The following CCDC13 variants were observed in gnomAD, a reference collection of about 807,000 sequenced individuals.
The protein encoded by CCDC13 is coiled-coil domain containing 13, also known as coiled-coil domain-containing protein 13.
Under a neutral mutation model 87.3 loss-of-function variants are expected in CCDC13, and 70 were observed. The observed-to-expected ratio is 0.80, with a 90% CI of 0.66 to 0.98. The LOEUF (loss-of-function observed/expected upper bound fraction) is 0.98. Ranked by LOEUF, CCDC13 falls within the 50% of genes least tolerant of loss-of-function variation. CCDC13 has a pLI of 0.00. For missense variants in CCDC13, 842 were observed against 892.0 expected (o/e 0.94, Z 0.71); for synonymous variants, 317 against 360.3 (o/e 0.88, Z 1.36).
chr3:42,709,342 T>A (rs992896399), intron 15 of CCDC13, among the ~76,000 whole-genome samples: 1 of 152,244 alleles, frequency 6.6e-6, no homozygotes, highest in African/African-American at 2.4e-5. Context: ...GTAAGCTACC[T>A]CAAGGCCCCT....
At chr3:42,735,198 G>C (rs1698967536) in intron 10 of CCDC13, among the ~76,000 whole-genome samples, 1 of 152,242 alleles carries the variant, frequency 6.6e-6, no homozygotes, top group South Asian at 2.1e-4. Context: ...GGAGGGGAGG[G>C]AGTGTGCTTC....
At chr3:42,720,493 GT>G (rs1377437006) in intron 13 of CCDC13, among the ~76,000 whole-genome samples, 5 of 152,134 alleles carry the variant, frequency 3.3e-5, no homozygotes, top group African/African-American at 1.2e-4. Context: ...ACTTACCAAG[GT>G]TTTCACCAAA....
Position 42,756,994 on chromosome 3 carries a change from G to A in CCDC13, c.370+72C>T, listed in dbSNP as rs1449711259. On this transcript the variant is annotated intron_variant, in intron 3 of 15. Coordinates refer to ENST00000310232, the MANE Select transcript of CCDC13 (RefSeq NM_144719.4). ...CACTCTCTTGGGAATCTGCTCTCTG[G>A]AACCTGCTGTCTGCCCTATCTGAAG... 3 of 1,455,020 alleles carry A rather than the reference G, an allele frequency of 2.1e-6. No individual in the cohort carries two copies. In the East Asian group the frequency reaches 6.8e-5, roughly 33 times the overall value. The allele number at this position is 1,455,020 out of a possible 1,614,324, so 90.1% of individuals were successfully genotyped here.
At chr3:42,752,070 G>A in intron 4 of CCDC13, 45 bp from the exon 5 acceptor site, 1 of 1,546,446 alleles carries the variant, frequency 6.5e-7, no homozygotes, top group South Asian at 1.1e-5. Context: ...CAGCGATTGT[G>A]CAGCCCAAGG....
At chr3:42,733,333 C>G in intron 11 of CCDC13, 137 bp downstream of exon 11, 1 of 1,079,584 alleles carries the variant, frequency 9.3e-7, no homozygotes, top group Non-Finnish European at 1.4e-6. Context: ...ATAGGAGAGG[C>G]CCACGTATTG....
chr3:42,716,169 A>G (rs964711122), intron 13 of CCDC13, among the ~76,000 whole-genome samples: 4 of 152,182 alleles, frequency 2.6e-5, no homozygotes, highest in African/African-American at 9.7e-5. Flanking sequence ...TAAGTAAACA[A>G]GATGTACTAA....
chr3:42,717,590 A>G (rs1698463001), intron 13 of CCDC13, among the ~76,000 whole-genome samples: 1 of 152,216 alleles, frequency 6.6e-6, no homozygotes, highest in South Asian at 2.1e-4. Context: ...GTGCCACTGA[A>G]TTGTATACTT....
intron 13 of CCDC13, among the ~76,000 whole-genome samples, chr3:42,726,131 G>C (rs746714749): frequency 1.3e-5 from 2 of 152,136 alleles, no homozygotes; most frequent in Non-Finnish European, 2.9e-5. Context: ...TGCAACCTCC[G>C]CCTCCCAGGT....
In CCDC13 at chr3:42,713,319, G is replaced by A; in HGVS notation, c.1719-3C>T. 6.2e-7 allele frequency: 1 copy of A among 1,613,494 alleles called. No individual in the cohort carries two copies. Among genetic ancestry groups the A allele is most frequent in the Non-Finnish European group, 8.5e-7 (1 of 1,179,696 alleles). ...GCTTGCTGTTGCTCTCCTCCACCCT[G>A]GTGATTAGAGAGGAGGGGATGCTAC... On this transcript the variant is annotated splice_polypyrimidine_tract_variant and splice_region_variant and intron_variant, in intron 13 of 15. Transcript: ENST00000310232.
intron 8 of CCDC13, among the ~76,000 whole-genome samples, chr3:42,741,530 A>T (rs910267988): frequency 6.6e-6 from 1 of 152,148 alleles, no homozygotes; most frequent in African/African-American, 2.4e-5. Flanking sequence ...TGACGTTAGG[A>T]ATTTGAGACC....
chr3:42,731,619 A>T (rs1416704280), intron 12 of CCDC13, among the ~76,000 whole-genome samples: 1 of 152,106 alleles, frequency 6.6e-6, no homozygotes, highest in Admixed American at 6.5e-5. Context: ...TGCAGTTTGG[A>T]AAGCCCCATT....
chr3:42,769,995 C>A (rs1403454340), intron 1 of CCDC13, among the ~76,000 whole-genome samples: 3 of 152,260 alleles, frequency 2.0e-5, no homozygotes, highest in African/African-American at 7.2e-5. Flanking sequence ...CAACGAGCGC[C>A]ACCCCCTGCT....
At chr3:42,737,325 T>G (rs1265160341) in intron 9 of CCDC13, among the ~76,000 whole-genome samples, 5 of 152,242 alleles carry the variant, frequency 3.3e-5, no homozygotes, top group Non-Finnish European at 5.9e-5. Context: ...GATGGACATT[T>G]GGGTTGGTTC....
chr3:42,718,048 G>A (rs1243512975), intron 13 of CCDC13: 1 of 152,210 alleles, frequency 6.6e-6, no homozygotes, highest in Non-Finnish European at 1.5e-5. Context: ...TTTGTCAGAG[G>A]CGTTTGAACA....
chr3:42,754,755 A>T (rs1473177336), intron 3 of CCDC13, among the ~76,000 whole-genome samples: 1 of 152,184 alleles, frequency 6.6e-6, no homozygotes, highest in Admixed American at 6.5e-5. Context: ...GCTATCAGAA[A>T]GAGGTTCAAG....
intron 12 of CCDC13, among the ~76,000 whole-genome samples, chr3:42,731,431 C>A (rs746264359): frequency 1.3e-5 from 2 of 151,836 alleles, no homozygotes. Flanking sequence ...AACTGCAGAC[C>A]CCTCTGTGAC....
chr3:42,709,750 T>A lies in CCDC13; in HGVS notation c.1922A>T (p.Lys641Met). 1 of 1,614,076 alleles carries A rather than the reference T, an allele frequency of 6.2e-7. No homozygotes were observed. Among genetic ancestry groups the A allele is most frequent in the Non-Finnish European group, 8.5e-7 (1 of 1,179,910 alleles). ...NRHNPTGSEKKDPSFAQLSDV... is the reference protein window; with the variant it reads ...NRHNPTGSEKMDPSFAQLSDV... ...GGAGAGCTGGGCAAAGGATGGGTCC[T>A]TCTTCTCGCTCCCGGTTGGGTTGTG... Residue 641 changes from lysine to methionine, a missense_variant, in exon 15 of 16, where the codon AAG becomes ATG. By Grantham distance (95) the Lys-to-Met change is moderately conservative. Coordinates refer to ENST00000310232, the MANE Select transcript of CCDC13 (RefSeq NM_144719.4).
At chr3:42,763,878 A>C (rs1699882808) in intron 1 of CCDC13, among the ~76,000 whole-genome samples, 1 of 152,184 alleles carries the variant, frequency 6.6e-6, no homozygotes, top group African/African-American at 2.4e-5. Context: ...TCCTGAGACC[A>C]CGTGCCCAAG....
intron 14 of CCDC13, 108 bp downstream of exon 14, chr3:42,713,054 G>T (rs762829608): frequency 1.5e-6 from 2 of 1,309,500 alleles, no homozygotes; most frequent in Non-Finnish European, 2.1e-6. Flanking sequence ...TGGAAGCTCT[G>T]CTTCCCACAT....
Sources: allele counts gnomAD v4.1 joint callset (sites outside exome capture counted in the v4.1 genomes callset), GRCh38; gene constraint gnomAD v4.1.1; transcripts MANE v1.5; gene names NCBI Gene and HGNC (gene_info 2026-07-23, HGNC 2026-07-21).